Variants in FHOD3 observed in about 807,000 individuals in gnomAD.
The protein encoded by FHOD3 is formin homology 2 domain containing 3, also known as FH1/FH2 domain-containing protein 3.
FHOD3 carries 90 observed loss-of-function variants against 173.0 expected under a neutral mutation model. That is an observed-to-expected ratio of 0.52 (90% confidence interval 0.44 to 0.62). The LOEUF is 0.62. Ranked by LOEUF, FHOD3 falls within the 20% of genes least tolerant of loss-of-function variation. FHOD3 has a pLI of 0.00. For synonymous variants in FHOD3, 828 were observed against 823.0 expected, an observed-to-expected ratio of 1.01 and a Z score of -0.10; for missense variants, 1,945 against 2,034.7, an observed-to-expected ratio of 0.96 and a Z score of 0.85.
intron 16 of FHOD3, among the ~76,000 whole-genome samples, chr18:36,691,114 G>A (rs2038937148): frequency 6.6e-6 from 1 of 152,176 alleles, no homozygotes; most frequent in Non-Finnish European, 1.5e-5. Flanking sequence ...CAGAAAGTGG[G>A]TTAAACCCTT....
At chr18:36,524,194 A>G (rs2056405816) in intron 5 of FHOD3, among the ~76,000 whole-genome samples, 1 of 151,896 alleles carries the variant, frequency 6.6e-6, no homozygotes, top group Non-Finnish European at 1.5e-5. Context: ...AGGCAGGAGA[A>G]TCGCTTGAAT....
intron 19 of FHOD3, 68 bp from the exon 20 acceptor site, chr18:36,730,578 T>C: frequency 6.6e-7 from 1 of 1,514,848 alleles, no homozygotes; most frequent in African/African-American, 1.4e-5. Flanking sequence ...TGAGTGCTTT[T>C]AATAATGAAA....
intron 6 of FHOD3, among the ~76,000 whole-genome samples, chr18:36,578,457 C>T (rs1274191716): frequency 6.6e-6 from 1 of 152,188 alleles, no homozygotes; most frequent in Admixed American, 6.5e-5. Context: ...TATTACAATT[C>T]AAGGTGAGAT....
intron 6 of FHOD3, among the ~76,000 whole-genome samples, chr18:36,578,826 A>C (rs910910628): frequency 1.3e-5 from 2 of 152,088 alleles, no homozygotes; most frequent in African/African-American, 4.8e-5. Flanking sequence ...GGGGTCCCAT[A>C]TCCGTGGGTG....
At chr18:36,482,858 C>CACACACACACACAGAGAGAGAG (rs1400178557) in intron 3 of FHOD3, among the ~76,000 whole-genome samples, 1 of 130,374 alleles carries the variant, frequency 7.7e-6, no homozygotes, top group African/African-American at 3.1e-5. Flanking sequence ...CACACACACA[C>CACACACACACACAGAGAGAGAG]AGAGAGAGAG....
intron 1 of FHOD3, among the ~76,000 whole-genome samples, chr18:36,326,674 C>A (rs1210786229): frequency 6.6e-6 from 1 of 152,144 alleles, no homozygotes; most frequent in African/African-American, 2.4e-5. Context: ...TCACTTGCGC[C>A]TAGGAGTTTG....
chr18:36,299,711 G>A (rs1293090222), intron 1 of FHOD3, among the ~76,000 whole-genome samples: 2 of 152,144 alleles, frequency 1.3e-5, no homozygotes, highest in Non-Finnish European at 2.9e-5. Flanking sequence ...CAGCAGAGCA[G>A]TTGCACTGGC....
intron 7 of FHOD3, among the ~76,000 whole-genome samples, chr18:36,598,976 T>C (rs896241263): frequency 6.6e-6 from 1 of 152,232 alleles, no homozygotes; most frequent in Non-Finnish European, 1.5e-5. Context: ...GACCACTGGA[T>C]CATCTTCTCT....
rs193133114 is a variant in FHOD3 at position 36,510,858 on chromosome 18, C to T, written c.406-1580C>T. ...CAGCTGTCTTTCATTACGTTCAGGG[C>T]GCAGACATCACTCACCCACCCTTCC... On this transcript the variant is annotated intron_variant, in intron 4 of 28. Transcript: ENST00000590592. Among the ~76,000 whole-genome samples, 153 of 152,224 alleles carry T rather than the reference C, an allele frequency of 1.0e-3. 1 individual carries two copies. Among genetic ancestry groups the T allele is most frequent in the African/African-American group, 2.6e-3 (106 of 41,510 alleles).
chr18:36,712,841 A>G (rs987593391), intron 18 of FHOD3, among the ~76,000 whole-genome samples: 4 of 140,128 alleles, frequency 2.9e-5, no homozygotes, highest in African/African-American at 8.6e-5. Flanking sequence ...AAAACTAAAG[A>G]CCAAAAAAAA....
intron 3 of FHOD3, among the ~76,000 whole-genome samples, chr18:36,487,104 A>G (rs562871258): frequency 6.6e-5 from 10 of 152,324 alleles, no homozygotes; most frequent in Non-Finnish European, 7.4e-5. Context: ...TAAAGCTTCT[A>G]TGAACCTTGG....
At chr18:36,699,988 T>C (rs554198433) in intron 17 of FHOD3, among the ~76,000 whole-genome samples, 2 of 152,340 alleles carry the variant, frequency 1.3e-5, no homozygotes, top group Non-Finnish European at 2.9e-5. Flanking sequence ...ACAGGATAGT[T>C]GCCTTTTGAG....
chr18:36,535,107 C>CA (rs1407976362), intron 5 of FHOD3, among the ~76,000 whole-genome samples: 4 of 152,096 alleles, frequency 2.6e-5, no homozygotes, highest in African/African-American at 9.7e-5. Context: ...CTGTTATCAA[C>CA]AAAAAAAGTA....
At chr18:36,528,901 A>C (rs928910093) in intron 5 of FHOD3, among the ~76,000 whole-genome samples, 1 of 152,148 alleles carries the variant, frequency 6.6e-6, no homozygotes, top group Non-Finnish European at 1.5e-5. Flanking sequence ...ATCACTGTCC[A>C]TCTCATTTCT....
intron 3 of FHOD3, among the ~76,000 whole-genome samples, chr18:36,440,643 G>C (rs1408937844): frequency 6.6e-6 from 1 of 152,250 alleles, no homozygotes; most frequent in African/African-American, 2.4e-5. Context: ...TGAGGCAGGA[G>C]TGGTGGAGGC....
chr18:36,583,416 C>T (rs1451389819), intron 6 of FHOD3, among the ~76,000 whole-genome samples: 2 of 152,230 alleles, frequency 1.3e-5, no homozygotes, highest in African/African-American at 4.8e-5. Context: ...TTTCCTGCCC[C>T]TGCCCTAGGA....
chr18:36,434,469 T>C (rs1241363408), intron 3 of FHOD3, among the ~76,000 whole-genome samples: 1 of 152,242 alleles, frequency 6.6e-6, no homozygotes, highest in East Asian at 1.9e-4. Context: ...ATTGTTGTAT[T>C]GTACATTTTG....
At chr18:36,737,036 C>T (rs940406234) in intron 20 of FHOD3, among the ~76,000 whole-genome samples, 2 of 152,188 alleles carry the variant, frequency 1.3e-5, no homozygotes, top group African/African-American at 4.8e-5. Context: ...TCACAAAAAA[C>T]AAGGGCCATC....
At chr18:36,418,182 C>A (rs901596985) in intron 3 of FHOD3, among the ~76,000 whole-genome samples, 1 of 152,148 alleles carries the variant, frequency 6.6e-6, no homozygotes, top group African/African-American at 2.4e-5. Context: ...TGGCTTCAAT[C>A]CATTTAGACA....
Sources: allele counts gnomAD v4.1 joint callset (sites outside exome capture counted in the v4.1 genomes callset), GRCh38; gene constraint gnomAD v4.1.1; transcripts MANE v1.5; gene names NCBI Gene and HGNC (gene_info 2026-07-23, HGNC 2026-07-21).